Variants in RAPGEF1 observed in about 807,000 individuals in gnomAD.
The protein encoded by RAPGEF1 is CRK SH3-binding GNRP.
Under a neutral mutation model 143.3 loss-of-function variants are expected in RAPGEF1, and 33 were observed. The observed-to-expected ratio is 0.23, with a 90% CI of 0.17 to 0.31. The LOEUF is 0.31. RAPGEF1 is among the 10% of genes least tolerant of loss of function. The pLI is 1.00. For synonymous variants in RAPGEF1, 629 were observed against 676.5 expected, an observed-to-expected ratio of 0.93 and a Z score of 1.09; for missense variants, 1,199 against 1,645.4, an observed-to-expected ratio of 0.73 and a Z score of 4.69.
chr9:131,719,553 C>CTTTTTTT (rs34413859), intron 1 of RAPGEF1, among the ~76,000 whole-genome samples: 10 of 72,406 alleles, frequency 1.4e-4, no homozygotes, highest in South Asian at 5.2e-4. Flanking sequence ...CCCTTCAGGG[C>CTTTTTTT]TTTTTTTTTT....
At chr9:131,631,458 G>A (rs1964828210) in intron 5 of RAPGEF1, among the ~76,000 whole-genome samples, 1 of 152,234 alleles carries the variant, frequency 6.6e-6, no homozygotes, top group South Asian at 2.1e-4. Context: ...GCTGCTCGCT[G>A]CCAGCAGTGT....
intron 22 of RAPGEF1, among the ~76,000 whole-genome samples, chr9:131,587,095 G>A (rs1205581543): frequency 9.5e-6 from 1 of 105,602 alleles, no homozygotes; most frequent in African/African-American, 3.9e-5. Context: ...TGCAGAGCGA[G>A]ACTCCGTCTT....
rs1048148926 is a variant in RAPGEF1 at position 131,628,454 on chromosome 9, T to A, written c.1017+95A>T. ...CCTCGATGTGACAAACACCAGCGCC[T>A]GAAGACCATGGGTTTCTTTCAGCTT... On this transcript the variant is annotated intron_variant, in intron 8 of 26. Coordinates refer to ENST00000683357, the MANE Select transcript of RAPGEF1 (RefSeq NM_001377935.1). This position sits in a 1 kb window ranked among gnomAD's most constrained non-coding sequence, Gnocchi z 5.7. The A allele has an allele frequency of 6.6e-7, 1 of 1,506,624 alleles. No homozygotes were observed. The highest frequency in any genetic ancestry group is 1.4e-5 in the African/African-American group (1 of 72,220). 93.3% of individuals were successfully genotyped at this position (1,506,624 alleles called of 1,614,324 possible).
At chr9:131,696,645 A>C (rs7025432) in intron 1 of RAPGEF1, among the ~76,000 whole-genome samples, 3,425 of 152,360 alleles carry the variant, frequency 0.022, 147 homozygotes, top group African/African-American at 0.078. Context: ...TATAGTGGCA[A>C]GCACTAAGAA....
At chr9:131,679,274 C>T (rs909505794) in intron 1 of RAPGEF1, among the ~76,000 whole-genome samples, 4 of 152,224 alleles carry the variant, frequency 2.6e-5, no homozygotes, top group African/African-American at 4.8e-5. Flanking sequence ...AAGGGGCCAG[C>T]CCCTGTCCTC....
At chr9:131,696,144 G>T (rs988259169) in intron 1 of RAPGEF1, among the ~76,000 whole-genome samples, 1 of 152,218 alleles carries the variant, frequency 6.6e-6, no homozygotes, top group Admixed American at 6.5e-5. Context: ...GGATCCAAGA[G>T]AGACAGGCTG....
At chr9:131,606,674 G>C (rs1446674081) in intron 12 of RAPGEF1, among the ~76,000 whole-genome samples, 2 of 152,008 alleles carry the variant, frequency 1.3e-5, no homozygotes, top group Non-Finnish European at 2.9e-5. Context: ...TTTGAGACAG[G>C]GTCTCACTCT....
At chr9:131,696,421 T>C (rs575197503) in intron 1 of RAPGEF1, among the ~76,000 whole-genome samples, 2 of 152,332 alleles carry the variant, frequency 1.3e-5, no homozygotes, top group African/African-American at 4.8e-5. Flanking sequence ...AGACCACAGG[T>C]GGCCTGCAAA....
At position 131,626,269 on chromosome 9, in the gene RAPGEF1, C is replaced by T; in HGVS notation, c.1355G>A (p.Gly452Asp). The change falls in exon 10 of 27, where the codon GGC becomes GAC. Residue 452 changes from glycine (G) to aspartate (D), a missense_variant. Physicochemically the swap from Gly to Asp is moderately conservative, Grantham distance 94 (BLOSUM62 -1). Around this residue, in one of 6 missense-constraint regions of RAPGEF1, gnomAD observed 613 missense variants for 710.9 expected, o/e 0.86. Transcript: ENST00000683357. ...AGGTCCGTCTGGCTGGGGATGGCCG[C>T]CAAGAGGCAGCTGGAAAGGAGGGCC... ...FLGPPFQLPLGGHPQPDGPLA... is the reference protein window; with the variant it reads ...FLGPPFQLPLDGHPQPDGPLA... The T allele has an allele frequency of 2.5e-6, 4 of 1,613,944 alleles. No homozygotes were observed. Among genetic ancestry groups the T allele is most frequent in the Non-Finnish European group, 3.4e-6 (4 of 1,179,866 alleles).
At chr9:131,737,578 C>G in intron 1 of RAPGEF1, 2 of 1,538,992 alleles carry the variant, frequency 1.3e-6, no homozygotes, top group Admixed American at 4.0e-5. Flanking sequence ...GGCCTCAGGT[C>G]TTTCTCCCAA....
intron 1 of RAPGEF1, among the ~76,000 whole-genome samples, chr9:131,719,410 T>C (rs1836094621): frequency 1.3e-5 from 2 of 152,170 alleles, no homozygotes; most frequent in Admixed American, 6.5e-5. Context: ...CTTATACTAC[T>C]AGAAAAGTCT....
rs1206640914 is a variant in RAPGEF1 at position 131,583,581 on chromosome 9, C to T, written c.3414+730G>A. Among the ~76,000 whole-genome samples, 1 of 151,352 alleles carries T rather than the reference C, an allele frequency of 6.6e-6. No homozygotes were observed. Among genetic ancestry groups the T allele is most frequent in the South Asian group, 2.1e-4 (1 of 4,778 alleles). ...GGCCTGGCTGAACTTGGGTCCCTGA[C>T]ATGACCCCTGGGTGGCCTGGCTGAC... is the stretch of plus-strand genomic sequence containing the variant. On this transcript the variant is annotated intron_variant, in intron 24 of 26. Coordinates refer to ENST00000683357, the MANE Select transcript of RAPGEF1 (RefSeq NM_001377935.1). The surrounding 1 kb of genome is among the most constrained non-coding windows in gnomAD (Gnocchi z 4.7).
chr9:131,602,224 C>T (rs1311957694), intron 14 of RAPGEF1, 75 bp from the exon 15 acceptor site: 1 of 1,125,290 alleles, frequency 8.9e-7, no homozygotes, highest in Non-Finnish European at 1.3e-6. Flanking sequence ...AGCATTCCTG[C>T]CTGCAAGTGG....
At chr9:131,710,082 G>C in intron 1 of RAPGEF1, 1 of 426,632 alleles carries the variant, frequency 2.3e-6, no homozygotes, top group Non-Finnish European at 3.1e-6. Context: ...GGGGAATCAG[G>C]TGATCAAAAT....
chr9:131,700,725 T>C (rs567999566), intron 1 of RAPGEF1, among the ~76,000 whole-genome samples: 31 of 152,304 alleles, frequency 2.0e-4, no homozygotes, highest in South Asian at 8.3e-4. Flanking sequence ...TTTCTCCTTA[T>C]TACAGTGGTG....
rs560965391 is a variant in RAPGEF1 at position 131,650,457 on chromosome 9, T to A, written c.202-215A>T. ...AGCCAAATGATGGATGTTCTGGACA[T>A]CACAGAGTTCCCTGTGTTTGAGTGT... On this transcript the variant is annotated intron_variant, in intron 2 of 26. Coordinates refer to ENST00000683357, the MANE Select transcript of RAPGEF1 (RefSeq NM_001377935.1). This position sits in a 1 kb window ranked among gnomAD's most constrained non-coding sequence, Gnocchi z 4.7. 6.6e-6 allele frequency among the ~76,000 whole-genome samples: 1 copy of A among 152,298 alleles called. No individual in the cohort carries two copies. The highest frequency in any genetic ancestry group is 1.9e-4 in the East Asian group (1 of 5,180).
intron 12 of RAPGEF1, among the ~76,000 whole-genome samples, chr9:131,613,774 C>T (rs572278727): frequency 3.9e-4 from 59 of 152,272 alleles, no homozygotes; most frequent in Admixed American, 2.0e-3. Context: ...CAACCTTGGA[C>T]TTGTAGATTC....
chr9:131,598,110 C>G, intron 16 of RAPGEF1, 89 bp downstream of exon 16: 1 of 1,171,424 alleles, frequency 8.5e-7, no homozygotes, highest in South Asian at 1.3e-5. Context: ...TAGGGTTGTT[C>G]TGCTTATGAC....
intron 12 of RAPGEF1, among the ~76,000 whole-genome samples, 161 bp downstream of exon 12, chr9:131,618,890 C>T (rs773461872): frequency 2.0e-5 from 3 of 152,216 alleles, no homozygotes; most frequent in Non-Finnish European, 4.4e-5. Flanking sequence ...GTCTTTAAGG[C>T]CCCAGAGAAC....
Sources: allele counts gnomAD v4.1 joint callset (sites outside exome capture counted in the v4.1 genomes callset), GRCh38; gene constraint gnomAD v4.1.1; regional missense constraint gnomAD v4.1.1; non-coding constraint Gnocchi (gnomAD v3.1); transcripts MANE v1.5; gene names NCBI Gene and HGNC (gene_info 2026-07-23, HGNC 2026-07-21).